Variants in ANO4 observed in about 807,000 individuals in gnomAD.
ANO4 encodes the protein anoctamin 4.
Under a neutral mutation model 141.9 loss-of-function variants are expected in ANO4, and 69 were observed. The observed-to-expected ratio is 0.49, with a 90% CI of 0.40 to 0.59. The LOEUF (loss-of-function observed/expected upper bound fraction) is 0.59. Ranked by LOEUF, ANO4 falls within the 20% of genes least tolerant of loss-of-function variation. ANO4 has a pLI of 0.00. For synonymous variants in ANO4, 350 were observed against 394.3 expected (o/e 0.89, Z 1.33); for missense variants, 894 against 1,162.2 (o/e 0.77, Z 3.36).
At chr12:100,883,082 A>G (rs1187644966) in intron 1 of ANO4, among the ~76,000 whole-genome samples, 6 of 152,228 alleles carry the variant, frequency 3.9e-5, no homozygotes, top group Admixed American at 3.3e-4. Context: ...AAGCTGCGAC[A>G]CAAGTATCTT....
chr12:100,787,958 A>G (rs2033925394), intron 3 of ANO4, among the ~76,000 whole-genome samples: 1 of 152,230 alleles, frequency 6.6e-6, no homozygotes, highest in Non-Finnish European at 1.5e-5. Context: ...TGACAAATAC[A>G]TTCATATGCC....
At chr12:101,127,232 C>T (rs1287512927) in intron 27 of ANO4, among the ~76,000 whole-genome samples, 158 bp downstream of exon 27, 4 of 152,176 alleles carry the variant, frequency 2.6e-5, no homozygotes, top group African/African-American at 9.7e-5. Flanking sequence ...TTACTTTAAT[C>T]GTTGCAAATT....
chr12:101,068,925 C>T (rs572245750), intron 14 of ANO4: 40 of 812,394 alleles, frequency 4.9e-5, no homozygotes, highest in Admixed American at 3.1e-4. Context: ...TGCTCAACAT[C>T]GAAGCTGCTA....
intron 22 of ANO4, among the ~76,000 whole-genome samples, chr12:101,103,757 G>A (rs2050302717): frequency 1.3e-5 from 2 of 151,794 alleles, no homozygotes; most frequent in African/African-American, 2.4e-5. Context: ...CCTTTAAAAT[G>A]ATTGGGTAAT....
chr12:100,957,748 G>C (rs1055448245), intron 5 of ANO4, among the ~76,000 whole-genome samples: 2 of 152,134 alleles, frequency 1.3e-5, no homozygotes, highest in African/African-American at 4.8e-5. Context: ...ACACCGCCAA[G>C]CCCGGCTACT....
chr12:100,860,445 C>T (rs757972339), intron 1 of ANO4, among the ~76,000 whole-genome samples: 4 of 152,164 alleles, frequency 2.6e-5, no homozygotes, highest in South Asian at 4.1e-4. Flanking sequence ...TTGGCCCCTG[C>T]CAGCTCCTAT....
intron 1 of ANO4, among the ~76,000 whole-genome samples, chr12:100,727,311 TG>T (rs2136770242): frequency 6.6e-6 from 1 of 152,360 alleles, no homozygotes; most frequent in Non-Finnish European, 1.5e-5. Context: ...CCTGTAGTTC[TG>T]TTAATTTTTG....
At chr12:100,823,795 G>A (rs1293046107) in intron 1 of ANO4, among the ~76,000 whole-genome samples, 2 of 151,934 alleles carry the variant, frequency 1.3e-5, no homozygotes, top group Non-Finnish European at 2.9e-5. Flanking sequence ...GACTCTGTAG[G>A]TAGCCACTGC....
In ANO4 at chr12:100,894,780, A is replaced by C. The variant is rs1017308242; in HGVS notation, c.-140-6866A>C. ...AGGAGATTGAGACCATCCCGGCTAA[A>C]ACGGTGAAACCCCGTCTCTACTAAA... is the stretch of plus-strand genomic sequence containing the variant. On this transcript the variant is annotated intron_variant, in intron 1 of 27. Transcript: ENST00000392977. 1.3e-3 allele frequency among the ~76,000 whole-genome samples: 199 copies of C among 151,866 alleles called. 5 individuals carry two copies. Among genetic ancestry groups the C allele is most frequent in the African/African-American group, 4.6e-3 (191 of 41,370 alleles).
At chr12:100,943,009 C>G (rs532321944) in intron 5 of ANO4, among the ~76,000 whole-genome samples, 1 of 152,178 alleles carries the variant, frequency 6.6e-6, no homozygotes, top group African/African-American at 2.4e-5. Flanking sequence ...AAAAAAGATT[C>G]CAGTTTTAAG....
At chr12:101,002,166 C>G (rs2045673865) in intron 8 of ANO4, among the ~76,000 whole-genome samples, 1 of 152,202 alleles carries the variant, frequency 6.6e-6, no homozygotes, top group Non-Finnish European at 1.5e-5. Context: ...TTCCTCACTC[C>G]CAAATCTGTC....
At position 100,786,732 on chromosome 12, in the gene ANO4, G is replaced by A. The variant is rs536351486; in HGVS notation, c.358+46627G>A. Among the ~76,000 whole-genome samples the A allele has an allele frequency of 5.3e-5, 8 of 152,262 alleles. No individual in the cohort carries two copies. The South Asian group carries it at 1.5e-3, about 28-fold the overall frequency. On this transcript the variant is annotated intron_variant, in intron 3 of 29. Transcript: ENST00000644049. ...AGCATTAAAAGCCAAGGATTTCAGA[G>A]GATGAATCTTTGTGGGATAAATTAA...
chr12:100,872,045 C>T (rs923321025), intron 1 of ANO4, among the ~76,000 whole-genome samples: 1 of 152,134 alleles, frequency 6.6e-6, no homozygotes, highest in South Asian at 2.1e-4. Flanking sequence ...ACTCAAATTA[C>T]TGAATTTATG....
intron 7 of ANO4, among the ~76,000 whole-genome samples, chr12:100,977,946 C>T (rs938875735): frequency 4.6e-5 from 7 of 152,146 alleles, no homozygotes; most frequent in Non-Finnish European, 7.3e-5. Context: ...TGTGCTTTTG[C>T]GTATAGTGGT....
intron 1 of ANO4, among the ~76,000 whole-genome samples, chr12:100,857,588 A>T (rs17030705): frequency 2.0e-5 from 3 of 152,194 alleles, no homozygotes; most frequent in South Asian, 4.1e-4. Flanking sequence ...TTGCCTCCCC[A>T]TGAAGCTGAT....
At chr12:100,812,014 A>G (rs115578159) in intron 1 of ANO4, among the ~76,000 whole-genome samples, 3,099 of 124,320 alleles carry the variant, frequency 0.025, 103 homozygotes, top group African/African-American at 0.097. Context: ...CTACTCACAT[A>G]TACACATGCA....
chr12:101,054,550 A>C (rs1039295044), intron 14 of ANO4, among the ~76,000 whole-genome samples: 21 of 152,210 alleles, frequency 1.4e-4, no homozygotes, highest in African/African-American at 4.8e-4. Flanking sequence ...CCCAGGCTGG[A>C]GTGCAGTGGC....
At chr12:100,843,307 C>T (rs1265425805) in intron 1 of ANO4, among the ~76,000 whole-genome samples, 6 of 152,104 alleles carry the variant, frequency 3.9e-5, no homozygotes, top group Non-Finnish European at 8.8e-5. Context: ...TATTGTCAAG[C>T]TAAGTCAAGA....
intron 3 of ANO4, among the ~76,000 whole-genome samples, chr12:100,934,988 TG>T (rs1246452267): frequency 6.6e-6 from 1 of 152,188 alleles, no homozygotes; most frequent in African/African-American, 2.4e-5. Context: ...AAGGAGATTT[TG>T]GGCTGAGATG....
Sources: allele counts gnomAD v4.1 joint callset (sites outside exome capture counted in the v4.1 genomes callset), GRCh38; gene constraint gnomAD v4.1.1; transcripts MANE v1.5; gene names NCBI Gene and HGNC (gene_info 2026-07-23, HGNC 2026-07-21).